Variants in FGF12 observed in about 807,000 individuals in gnomAD.
The protein encoded by FGF12 is fibroblast growth factor 12B.
A neutral mutation model predicts 23.6 loss-of-function variants in FGF12; 14 were observed. The ratio of observed to expected loss-of-function variants is 0.59; its 90% CI spans 0.39 to 0.93. The LOEUF is 0.93. Among genes scored for constraint, FGF12 ranks in the 40% least tolerant of loss-of-function variants. The probability of loss-of-function intolerance (pLI) is 0.00; values close to 1 mark genes in which losing one functional copy is unlikely to be tolerated. For synonymous variants in FGF12, 62 were observed against 77.3 expected, an observed-to-expected ratio of 0.80 and a Z score of 1.04; for missense variants, 175 against 217.8, an observed-to-expected ratio of 0.80 and a Z score of 1.24.
At chr3:192,216,455 T>C (rs928818766) in intron 4 of FGF12, among the ~76,000 whole-genome samples, 2 of 152,246 alleles carry the variant, frequency 1.3e-5, no homozygotes, top group Admixed American at 1.3e-4. Flanking sequence ...TAAATGAATT[T>C]GCACATCGTT....
intron 5 of FGF12, among the ~76,000 whole-genome samples, chr3:192,160,661 T>C (rs1005062958): frequency 2.0e-5 from 3 of 152,194 alleles, no homozygotes; most frequent in Admixed American, 6.5e-5. Context: ...CAAGTCAAAA[T>C]TGTCTTTCCT....
intron 2 of FGF12, among the ~76,000 whole-genome samples, chr3:192,369,329 A>C (rs1719121115): frequency 1.3e-5 from 2 of 152,138 alleles, no homozygotes; most frequent in South Asian, 4.1e-4. Context: ...GTTTCTTCCA[A>C]TTTTGTCCTG....
intron 2 of FGF12, among the ~76,000 whole-genome samples, chr3:192,413,143 A>G (rs1475848566): frequency 6.6e-6 from 1 of 152,216 alleles, no homozygotes; most frequent in African/African-American, 2.4e-5. Context: ...AAGGAAAAAC[A>G]GAGGCTTTTT....
At chr3:192,353,091 C>T (rs1453722765) in intron 3 of FGF12, among the ~76,000 whole-genome samples, 2 of 152,096 alleles carry the variant, frequency 1.3e-5, no homozygotes, top group African/African-American at 4.8e-5. Flanking sequence ...TAATGTTGTA[C>T]TATCTGAATT....
At chr3:192,504,934 T>C (rs1303558184) in intron 2 of FGF12, among the ~76,000 whole-genome samples, 1 of 152,096 alleles carries the variant, frequency 6.6e-6, no homozygotes, top group Non-Finnish European at 1.5e-5. Context: ...ATTTTCTCAG[T>C]TGTCTGGAAC....
At chr3:192,159,840 A>G (rs1714763627) in intron 5 of FGF12, among the ~76,000 whole-genome samples, 1 of 152,216 alleles carries the variant, frequency 6.6e-6, no homozygotes, top group South Asian at 2.1e-4. Context: ...GTGCCCCACA[A>G]CAAGGAATTA....
chr3:192,285,984 A>G (rs1271373258), intron 4 of FGF12, among the ~76,000 whole-genome samples: 1 of 152,074 alleles, frequency 6.6e-6, no homozygotes, highest in Non-Finnish European at 1.5e-5. Context: ...TGGATACACA[A>G]TCAATTAAAC....
chr3:192,456,963 A>T (rs1271043456), intron 2 of FGF12, among the ~76,000 whole-genome samples: 1 of 152,210 alleles, frequency 6.6e-6, no homozygotes, highest in Non-Finnish European at 1.5e-5. Context: ...GGAGGGACCC[A>T]GTGGGAAATA....
intron 4 of FGF12, among the ~76,000 whole-genome samples, chr3:192,316,947 C>T (rs1031391289): frequency 5.9e-5 from 9 of 152,146 alleles, no homozygotes; most frequent in African/African-American, 2.2e-4. Flanking sequence ...GGCCTGCATT[C>T]CAGGCCCTAG....
chr3:192,465,272 A>G (rs1018854817), intron 2 of FGF12, among the ~76,000 whole-genome samples: 2 of 152,234 alleles, frequency 1.3e-5, no homozygotes, highest in African/African-American at 2.4e-5. Context: ...ATAGCCTGGC[A>G]ACAGTGAAAT....
At chr3:192,456,808 G>A (rs1023543179) in intron 2 of FGF12, among the ~76,000 whole-genome samples, 1 of 152,148 alleles carries the variant, frequency 6.6e-6, no homozygotes, top group Non-Finnish European at 1.5e-5. Context: ...GTAGTACTAT[G>A]AGAATGTATG....
intron 2 of FGF12, among the ~76,000 whole-genome samples, chr3:192,474,944 G>A (rs1268167945): frequency 6.6e-6 from 1 of 151,736 alleles, no homozygotes; most frequent in Non-Finnish European, 1.5e-5. Context: ...CACAAAGAGA[G>A]TAGGAGAATT....
intron 2 of FGF12, among the ~76,000 whole-genome samples, chr3:192,419,509 G>GT (rs1416099066): frequency 7.2e-5 from 11 of 152,136 alleles, no homozygotes; most frequent in African/African-American, 2.2e-4. Context: ...TGAGGAAGTG[G>GT]TTTTCCCACC....
intron 4 of FGF12, among the ~76,000 whole-genome samples, chr3:192,220,174 C>A (rs1718397231): frequency 6.6e-6 from 1 of 152,058 alleles, no homozygotes. Context: ...GTTTTGTCTT[C>A]CTGAATGCAA....
chr3:192,652,034 C>T (rs1337983910), intron 2 of FGF12, among the ~76,000 whole-genome samples: 1 of 152,148 alleles, frequency 6.6e-6, no homozygotes, highest in African/African-American at 2.4e-5. Flanking sequence ...ATTTGCCAGG[C>T]ACCTACTCTA....
At chr3:192,582,240 G>T (rs185416519) in intron 2 of FGF12, among the ~76,000 whole-genome samples, 45 of 152,218 alleles carry the variant, frequency 3.0e-4, no homozygotes, top group Admixed American at 2.2e-3. Context: ...TAGGATTGTA[G>T]CTAATCTGCC....
Position 192,602,152 on chromosome 3 carries a change from G to C in FGF12, c.13+125029C>G, listed in dbSNP as rs552912149. Reference sequence around the variant, plus strand: ...GTTCACCAATTCAATTCTAACAAATGTCTTATTCTGGCTTAAGATGTTGAT... The same window carrying C: ...GTTCACCAATTCAATTCTAACAAATCTCTTATTCTGGCTTAAGATGTTGAT... On this transcript the variant is annotated intron_variant, in intron 2 of 5. Coordinates refer to ENST00000445105, the MANE Select transcript of FGF12 (RefSeq NM_004113.6). Among the ~76,000 whole-genome samples, 129 of 152,254 alleles carry C rather than the reference G, an allele frequency of 8.5e-4. 1 individual carries two copies. In the Middle Eastern group the frequency reaches 0.024, roughly 28 times the overall value.
intron 2 of FGF12, among the ~76,000 whole-genome samples, chr3:192,472,302 C>A (rs1577003684): frequency 6.6e-6 from 1 of 152,286 alleles, no homozygotes; most frequent in Middle Eastern, 3.4e-3. Context: ...AGGCATAAGC[C>A]ACCGCACCCA....
chr3:192,660,326 C>T (rs1217677027), intron 2 of FGF12, among the ~76,000 whole-genome samples: 1 of 128,008 alleles, frequency 7.8e-6, no homozygotes, highest in Non-Finnish European at 1.5e-5. Context: ...CACACGGACA[C>T]AAGAAGGGGA....
Sources: gnomAD v4.1 joint callset for allele counts (sites outside exome capture counted in the v4.1 genomes callset) on GRCh38, gnomAD v4.1.1 for gene constraint, MANE v1.5 for transcripts, NCBI Gene and HGNC (gene_info 2026-07-23, HGNC 2026-07-21) for gene names.